Variants in TXNRD2 observed in about 807,000 individuals in gnomAD.
TXNRD2 encodes thioredoxin reductase 2, also known as thioredoxin reductase 2, mitochondrial.
In TXNRD2, 67 loss-of-function variants were observed where a neutral mutation model predicts 70.8. The observed-to-expected ratio is 0.95, with a 90% CI of 0.78 to 1.16. The LOEUF (loss-of-function observed/expected upper bound fraction) is 1.16. Ranked by LOEUF, TXNRD2 falls within the 50% of genes most tolerant of loss-of-function variation. TXNRD2 has a pLI of 0.00. For synonymous variants in TXNRD2, 301 were observed against 295.8 expected, an observed-to-expected ratio of 1.02 and a Z score of -0.18; for missense variants, 644 against 719.9, an observed-to-expected ratio of 0.89 and a Z score of 1.21.
At chr22:19,918,509 T>C (rs892678507) in intron 4 of TXNRD2, among the ~76,000 whole-genome samples, 4 of 152,270 alleles carry the variant, frequency 2.6e-5, no homozygotes, top group South Asian at 2.1e-4. Context: ...TCTGAGCCAA[T>C]GTGGGTGTGG....
intron 11 of TXNRD2, among the ~76,000 whole-genome samples, chr22:19,887,103 G>A (rs1939066660): frequency 6.6e-6 from 1 of 152,222 alleles, no homozygotes; most frequent in Non-Finnish European, 1.5e-5. Context: ...TTTATGAACT[G>A]TATTTCCTCT....
chr22:19,938,756 C>T (rs1382257929), intron 1 of TXNRD2, among the ~76,000 whole-genome samples: 1 of 152,086 alleles, frequency 6.6e-6, no homozygotes, highest in Non-Finnish European at 1.5e-5. Flanking sequence ...TCCCAGTCAA[C>T]ATATAATGGA....
intron 8 of TXNRD2, among the ~76,000 whole-genome samples, chr22:19,901,580 C>T (rs1239556172): frequency 6.6e-6 from 1 of 152,146 alleles, no homozygotes; most frequent in East Asian, 1.9e-4. Context: ...GAATGTTTAC[C>T]CTTTGAAGAA....
intron 11 of TXNRD2, among the ~76,000 whole-genome samples, chr22:19,891,054 G>A (rs1939243154): frequency 6.6e-6 from 1 of 152,206 alleles, no homozygotes; most frequent in African/African-American, 2.4e-5. Context: ...AGAGGAAGCC[G>A]GGAAGCCAAG....
chr22:19,909,927 AC>A (rs2146020538), intron 8 of TXNRD2, among the ~76,000 whole-genome samples: 1 of 105,008 alleles, frequency 9.5e-6, no homozygotes, highest in East Asian at 3.8e-4. Flanking sequence ...CTTCACACAC[AC>A]ACACCACTCA....
intron 11 of TXNRD2, among the ~76,000 whole-genome samples, chr22:19,893,741 C>T (rs547804512): frequency 7.9e-5 from 12 of 152,334 alleles, no homozygotes; most frequent in African/African-American, 1.4e-4. Flanking sequence ...CACGCCTGGC[C>T]GGGAAACGCC....
intron 2 of TXNRD2, among the ~76,000 whole-genome samples, chr22:19,922,977 A>G (rs550892223): frequency 6.6e-6 from 1 of 152,182 alleles, no homozygotes; most frequent in Admixed American, 6.5e-5. Flanking sequence ...GTGAGCCACC[A>G]TGCCCGGCCA....
chr22:19,925,876 A>G (rs1941118974), intron 2 of TXNRD2, among the ~76,000 whole-genome samples: 1 of 152,142 alleles, frequency 6.6e-6, no homozygotes. Context: ...TACCATCAAG[A>G]AAGTGCAGGG....
intron 11 of TXNRD2, among the ~76,000 whole-genome samples, chr22:19,885,759 G>A (rs1275268390): frequency 6.6e-6 from 1 of 152,222 alleles, no homozygotes; most frequent in Non-Finnish European, 1.5e-5. Context: ...TCCTCTGCAC[G>A]CTTGCCTGGC....
intron 14 of TXNRD2, among the ~76,000 whole-genome samples, chr22:19,879,852 T>C (rs1938680183): frequency 6.6e-6 from 1 of 151,662 alleles, no homozygotes; most frequent in Non-Finnish European, 1.5e-5. Context: ...CCCTGCAGCA[T>C]GGCTGGGGTG....
Position 19,912,346 on chromosome 22 carries a change from C to T in TXNRD2, c.592-899G>A, listed in dbSNP as rs1010196774. On this transcript the variant is annotated intron_variant, in intron 7 of 17. Coordinates refer to ENST00000400521, the MANE Select transcript of TXNRD2 (RefSeq NM_006440.5). ...AAACGCAAGCAAGCCTTGGCAGACACCCTGGGAGGGCGTGGCAGGGAGAGC... is the reference window on the plus strand; with the variant it reads ...AAACGCAAGCAAGCCTTGGCAGACATCCTGGGAGGGCGTGGCAGGGAGAGC... Among the ~76,000 whole-genome samples, 7 of 152,360 alleles carry T rather than the reference C, an allele frequency of 4.6e-5. 1 individual carries two copies. Among genetic ancestry groups the T allele is most frequent in the African/African-American group, 9.6e-5 (4 of 41,586 alleles).
intron 1 of TXNRD2, among the ~76,000 whole-genome samples, chr22:19,937,484 C>T (rs937184683): frequency 1.3e-5 from 2 of 152,168 alleles, no homozygotes; most frequent in Non-Finnish European, 2.9e-5. Flanking sequence ...AAAATGCGAA[C>T]CATGAGTGTA....
intron 11 of TXNRD2, among the ~76,000 whole-genome samples, chr22:19,886,904 T>A (rs1939058014): frequency 6.6e-6 from 1 of 152,166 alleles, no homozygotes; most frequent in Non-Finnish European, 1.5e-5. Context: ...CAGCTTGCCA[T>A]GTGTCAGTTG....
chr22:19,924,790 C>A (rs765535511), intron 2 of TXNRD2, among the ~76,000 whole-genome samples: 6 of 152,048 alleles, frequency 3.9e-5, no homozygotes, highest in East Asian at 3.8e-4. Flanking sequence ...AAGCTTCATG[C>A]AGCCTAATAT....
At chr22:19,910,595 G>A (rs1478259750) in intron 8 of TXNRD2, among the ~76,000 whole-genome samples, 1 of 152,228 alleles carries the variant, frequency 6.6e-6, no homozygotes, top group Non-Finnish European at 1.5e-5. Context: ...CAGCCCTGCA[G>A]AGGGGCACAA....
chr22:19,877,206 G>A lies in TXNRD2; in HGVS notation c.1474C>T (p.Arg492Trp), dbSNP rs146133764. The A allele has an allele frequency of 9.8e-5, 158 of 1,611,202 alleles. 1 individual carries two copies. The East Asian group carries it at 3.3e-3, about 33-fold the overall frequency. The change falls in exon 17 of 18, where the codon CGG becomes TGG. Residue 492 changes from arginine (R) to tryptophan (W), a missense_variant. Physicochemically the swap from Arg to Trp is moderately radical, Grantham distance 101 (BLOSUM62 -3). Coordinates refer to ENST00000400521, the MANE Select transcript of TXNRD2 (RefSeq NM_006440.5). ...KCGASYAQVM[R>W]TVGIHPTCSE... is the part of the protein sequence containing the mutation. ...CATGTGGGATGGATACCCACGGTCCGCATCACCTGCGCATAGGAAGCCCCA... is the reference window on the plus strand; with the variant it reads ...CATGTGGGATGGATACCCACGGTCCACATCACCTGCGCATAGGAAGCCCCA...
At chr22:19,917,560 C>T (rs558374019) in intron 5 of TXNRD2, among the ~76,000 whole-genome samples, 1 of 152,294 alleles carries the variant, frequency 6.6e-6, no homozygotes, top group African/African-American at 2.4e-5. Context: ...GGGCCAGAGG[C>T]GGTACCAGTT....
At chr22:19,881,265 T>C (rs1315907898) in intron 12 of TXNRD2, 1 of 396,352 alleles carries the variant, frequency 2.5e-6, no homozygotes, top group Non-Finnish European at 4.4e-6. Flanking sequence ...TCCTCTGGGA[T>C]GGGCTGCCAA....
intron 2 of TXNRD2, among the ~76,000 whole-genome samples, chr22:19,924,493 G>A (rs184770176): frequency 6.6e-6 from 1 of 152,162 alleles, no homozygotes; most frequent in African/African-American, 2.4e-5. Flanking sequence ...CCCAACAGCT[G>A]AGCTTCCCCT....
Sources: gnomAD v4.1 joint callset for allele counts (sites outside exome capture counted in the v4.1 genomes callset) on GRCh38, gnomAD v4.1.1 for gene constraint, MANE v1.5 for transcripts, NCBI Gene and HGNC (gene_info 2026-07-23, HGNC 2026-07-21) for gene names.